Variants in RAB21 observed in about 807,000 individuals in gnomAD.
The protein encoded by RAB21 is RAB21, member RAS oncogene family, also known as ras-related protein Rab-21.
In RAB21, 13 loss-of-function variants were observed where a neutral mutation model predicts 33.1. The ratio of observed to expected loss-of-function variants is 0.39; its 90% CI spans 0.26 to 0.62. The LOEUF (loss-of-function observed/expected upper bound fraction) is 0.62, where lower values mean the gene tolerates loss of function less well. Among genes scored for constraint, RAB21 ranks in the 20% least tolerant of loss-of-function variants. The pLI, the probability that RAB21 is intolerant of heterozygous loss-of-function variation, is 0.48. For synonymous variants in RAB21, 91 were observed against 103.7 expected, an observed-to-expected ratio of 0.88 and a Z score of 0.74; for missense variants, 234 against 279.1, an observed-to-expected ratio of 0.84 and a Z score of 1.15.
At chr12:71,773,676 T>G (rs577964312) in intron 3 of RAB21, among the ~76,000 whole-genome samples, 1 of 152,254 alleles carries the variant, frequency 6.6e-6, no homozygotes, top group Non-Finnish European at 1.5e-5. Flanking sequence ...GGAGTTGATA[T>G]GCTTTTGCTC....
At chr12:71,761,822 A>T (rs575791240) in intron 1 of RAB21, among the ~76,000 whole-genome samples, 14 of 152,266 alleles carry the variant, frequency 9.2e-5, no homozygotes, top group African/African-American at 3.4e-4. Context: ...AACACACCTT[A>T]ACCTGAGCAA....
At chr12:71,769,908 C>CT (rs747308160) in intron 2 of RAB21, 49 bp downstream of exon 2, 503 of 989,156 alleles carry the variant, frequency 5.1e-4, no homozygotes, top group South Asian at 8.6e-4. Flanking sequence ...TTCCTTTTTT[C>CT]TTTTTTTTTA....
chr12:71,763,748 T>C (rs1882913768), intron 1 of RAB21, among the ~76,000 whole-genome samples: 1 of 152,158 alleles, frequency 6.6e-6, no homozygotes, highest in African/African-American at 2.4e-5. Context: ...TAGTAATACT[T>C]TGTGCCTACC....
chr12:71,794,222 A>AAAAAAAG lies in RAB21; in HGVS notation c.*8563_*8569dup, dbSNP rs1254610703. The AAAAAAAG allele has an allele frequency of 1.6e-5, 2 of 128,592 alleles. No homozygotes were observed. The highest frequency in any genetic ancestry group is 3.1e-5 in the Non-Finnish European group (2 of 65,344). The allele number at this position is 128,592 out of a possible 1,614,324, so 8.0% of individuals were successfully genotyped here. A position where few individuals can be genotyped will look rare whatever the true frequency, so the allele number is the denominator to read the frequency against. On this transcript the variant is annotated 3_prime_UTR_variant, in exon 7 of 7. Coordinates refer to ENST00000261263, the MANE Select transcript of RAB21 (RefSeq NM_014999.4). ...GGACGACAGAGTGAGGCCCTGTCTC[A>AAAAAAAG]AAAAAAGAAAAAAGAAAAAAAAAAG...
At chr12:71,784,993 G>A (rs1883262321) in intron 6 of RAB21, among the ~76,000 whole-genome samples, 2 of 151,852 alleles carry the variant, frequency 1.3e-5, no homozygotes, top group Non-Finnish European at 2.9e-5. Flanking sequence ...CTCAGGGACT[G>A]AGGCAGGAGG....
intron 1 of RAB21, among the ~76,000 whole-genome samples, chr12:71,761,818 C>A (rs1355565569): frequency 6.6e-6 from 1 of 151,996 alleles, no homozygotes; most frequent in Middle Eastern, 3.2e-3. Flanking sequence ...TTTAAACACA[C>A]CTTAACCTGA....
chr12:71,781,816 G>C (rs1883205417), intron 4 of RAB21, among the ~76,000 whole-genome samples: 1 of 152,130 alleles, frequency 6.6e-6, no homozygotes, highest in Non-Finnish European at 1.5e-5. Context: ...GCAGATTCAG[G>C]AAAGGTATGA....
At chr12:71,765,141 A>G (rs12831425) in intron 1 of RAB21, among the ~76,000 whole-genome samples, 202 of 152,258 alleles carry the variant, frequency 1.3e-3, no homozygotes, top group Non-Finnish European at 2.5e-3. Context: ...TTGACTAATT[A>G]TGGTCATTCT....
chr12:71,770,935 A>T (rs1360702963), intron 3 of RAB21, among the ~76,000 whole-genome samples: 1 of 152,224 alleles, frequency 6.6e-6, no homozygotes, highest in African/African-American at 2.4e-5. Context: ...AGAATAATTA[A>T]TGCCTTATTA....
At chr12:71,764,039 C>A (rs1882919161) in intron 1 of RAB21, among the ~76,000 whole-genome samples, 1 of 152,134 alleles carries the variant, frequency 6.6e-6, no homozygotes, top group Non-Finnish European at 1.5e-5. Flanking sequence ...AGCCCAAGCA[C>A]AGTGCTTGGC....
rs549455225 is a variant in RAB21, at chr12:71,764,881, A to T, written c.160-4919A>T. Among the ~76,000 whole-genome samples the T allele has an allele frequency of 2.6e-5, 4 of 152,312 alleles. No individual in the cohort carries two copies. In the East Asian group the frequency reaches 7.7e-4, roughly 29 times the overall value. Reference sequence around the variant, plus strand: ...GTTGATGGACACTCAGGTTGGCTCCATATCTTTGCAGTTGTGAATTGTGCT... The same window carrying T: ...GTTGATGGACACTCAGGTTGGCTCCTTATCTTTGCAGTTGTGAATTGTGCT... On this transcript the variant is annotated intron_variant, in intron 1 of 6. Transcript: ENST00000261263.
At position 71,788,986 on chromosome 12, in the gene RAB21, C is replaced by G. The variant is rs1364665240; in HGVS notation, c.*3313C>G. ...GAATACCCTAAAGCTATGGCTGTTA[C>G]TGCATTGAAATCTTTTTTTTTTTTA... On this transcript the variant is annotated 3_prime_UTR_variant, in exon 7 of 7. Coordinates refer to ENST00000261263, the MANE Select transcript of RAB21 (RefSeq NM_014999.4). The G allele has an allele frequency of 6.6e-6, 1 of 150,992 alleles. No individual in the cohort carries two copies. Among genetic ancestry groups the G allele is most frequent in the Non-Finnish European group, 1.5e-5 (1 of 67,814 alleles). The allele number at this position is 150,992 out of a possible 1,614,324, so 9.4% of individuals were successfully genotyped here.
chr12:71,782,758 G>T, intron 6 of RAB21, 100 bp downstream of exon 6: 23 of 776,128 alleles, frequency 3.0e-5, no homozygotes, highest in South Asian at 1.0e-4. Context: ...TCAAAGAATT[G>T]GTTCTTTTTA....
intron 1 of RAB21, among the ~76,000 whole-genome samples, chr12:71,764,527 T>C (rs1449591439): frequency 6.6e-6 from 1 of 152,186 alleles, no homozygotes; most frequent in Non-Finnish European, 1.5e-5. Flanking sequence ...ATAAGTTCTT[T>C]AGTGGTGATT....
At chr12:71,777,053 A>G (rs1400835411) in intron 4 of RAB21, among the ~76,000 whole-genome samples, 1 of 152,164 alleles carries the variant, frequency 6.6e-6, no homozygotes, top group African/African-American at 2.4e-5. Context: ...TGTATCCTTC[A>G]CTTAACTGAT....
rs1183587920 is a variant in RAB21 at position 71,794,439 on chromosome 12, T to A, written c.*8766T>A. 716 of 105,212 alleles carry A rather than the reference T, an allele frequency of 6.8e-3. 6 individuals carry two copies. The highest frequency in any genetic ancestry group is 0.055 in the East Asian group (183 of 3,332). 6.5% of individuals were successfully genotyped at this position (105,212 alleles called of 1,614,324 possible). A position where few individuals can be genotyped will look rare whatever the true frequency, so the allele number is the denominator to read the frequency against. On this transcript the variant is annotated 3_prime_UTR_variant, in exon 7 of 7. Transcript: ENST00000261263. Reference sequence around the variant, plus strand: ...TATATATATATATATTTTTTTTTTTTTTTTTTTTTTTTTTTTTGAGACGGA... The same window carrying A: ...TATATATATATATATTTTTTTTTTTATTTTTTTTTTTTTTTTTGAGACGGA...
chr12:71,766,838 A>G (rs1272630898), intron 1 of RAB21, among the ~76,000 whole-genome samples: 1 of 152,156 alleles, frequency 6.6e-6, no homozygotes, highest in Non-Finnish European at 1.5e-5. Flanking sequence ...CAAAAAAGCC[A>G]TATAAGTTGG....
chr12:71,772,950 T>A (rs1359702514), intron 3 of RAB21, among the ~76,000 whole-genome samples: 1 of 152,212 alleles, frequency 6.6e-6, no homozygotes, highest in Non-Finnish European at 1.5e-5. Flanking sequence ...GTGTTACATT[T>A]GTACACCATA....
In RAB21 at chr12:71,796,027, C is replaced by G. The variant is rs546485258; in HGVS notation, c.*10354C>G. 5.5e-4 allele frequency: 75 copies of G among 137,578 alleles called. 17 individuals are homozygous for G. The highest frequency in any genetic ancestry group is 2.2e-3 in the African/African-American group (74 of 34,200). The allele number at this position is 137,578 out of a possible 1,614,324, so 8.5% of individuals were successfully genotyped here. On this transcript the variant is annotated 3_prime_UTR_variant, in exon 7 of 7. Coordinates refer to ENST00000261263, the MANE Select transcript of RAB21 (RefSeq NM_014999.4). ...TGAAATTTTATGACATTCTAATGTA[C>G]ATACTCGCCAAGAAATGCTACAAGG...
Sources: allele counts gnomAD v4.1 joint callset (sites outside exome capture counted in the v4.1 genomes callset), GRCh38; gene constraint gnomAD v4.1.1; transcripts MANE v1.5; gene names NCBI Gene and HGNC (gene_info 2026-07-23, HGNC 2026-07-21).